The following RRP36 variants were observed in gnomAD, a reference collection of about 807,000 sequenced individuals.
The protein encoded by RRP36 is ribosomal RNA processing 36.
Under a neutral mutation model 39.8 loss-of-function variants are expected in RRP36, and 44 were observed. The observed-to-expected ratio is 1.10, with a 90% CI of 0.87 to 1.42. The LOEUF is 1.42. Ranked by LOEUF, RRP36 falls within the 40% of genes most tolerant of loss-of-function variation. The probability of loss-of-function intolerance (pLI) is 0.00; values close to 1 mark genes in which losing one functional copy is unlikely to be tolerated. For missense variants in RRP36, 316 were observed against 322.4 expected, an observed-to-expected ratio of 0.98 and a Z score of 0.15; for synonymous variants, 124 against 123.1, an observed-to-expected ratio of 1.01 and a Z score of -0.05.
At position 43,021,629 on chromosome 6, in the gene RRP36, C is replaced by T. The variant is rs769090195; in HGVS notation, c.-26C>T. On this transcript the variant is annotated 5_prime_UTR_variant, in exon 1 of 7. Coordinates refer to ENST00000244496, the MANE Select transcript of RRP36 (RefSeq NM_033112.4). ...TGCCGTGAGCGGAAGCGGCGCCATT[C>T]GTCTTCCGAGCGCTACTGCCAGCTG... 39 of 1,283,796 alleles carry T rather than the reference C, an allele frequency of 3.0e-5. No individual in the cohort carries two copies. In the Middle Eastern group the frequency reaches 9.3e-4, roughly 31 times the overall value. The allele number at this position is 1,283,796 out of a possible 1,614,324, so 79.5% of individuals were successfully genotyped here.
intron 1 of RRP36, 22 bp from the exon 2 acceptor site, chr6:43,024,963 A>G (rs1350107030): frequency 6.8e-6 from 11 of 1,612,568 alleles, no homozygotes; most frequent in South Asian, 5.5e-5. Flanking sequence ...GCTGAGTTGT[A>G]TGTCCCTCCC....
intron 1 of RRP36, among the ~76,000 whole-genome samples, chr6:43,024,583 G>A (rs1460133518): frequency 6.6e-6 from 1 of 152,176 alleles, no homozygotes; most frequent in African/African-American, 2.4e-5. Flanking sequence ...CTGGTGGTTG[G>A]GAGACTAGGA....
In RRP36 at chr6:43,027,463, A is replaced by G; in HGVS notation, c.629A>G (p.Tyr210Cys). The change falls in exon 6 of 7, where the codon TAC (tyrosine) becomes TGC (cysteine). Residue 210 changes from tyrosine to cysteine, a missense_variant. Transcript: ENST00000244496. ...CAGGCCCAGCAGGGCCATCGGCCAT[A>G]CTTCCTGAAAAAATGTGAGTTGGGC... Reference protein sequence around the residue: ...RAQAQQGHRPYFLKKSEQRQL... With the variant: ...RAQAQQGHRPCFLKKSEQRQL... 6.2e-7 allele frequency: 1 copy of G among 1,613,814 alleles called. No individual in the cohort carries two copies. The highest frequency in any genetic ancestry group is 1.1e-5 in the South Asian group (1 of 91,062).
chr6:43,025,394 G>A (rs1445717264), intron 3 of RRP36, 65 bp downstream of exon 3: 24 of 1,444,100 alleles, frequency 1.7e-5, no homozygotes, highest in Non-Finnish European at 2.2e-5. Flanking sequence ...AGCCCGAGGT[G>A]GGCGATCACC....
intron 1 of RRP36, 30 bp downstream of exon 1, chr6:43,021,814 A>G: frequency 1.1e-6 from 1 of 932,398 alleles, no homozygotes; most frequent in Non-Finnish European, 1.4e-6. Context: ...CGGGCTGGGG[A>G]GGGGAAGGAG....
rs1264653509 is a variant in RRP36, at chr6:43,029,466, C to T, written c.*238C>T. ...TGGTTCATTGCGTCCTCGTGTTCTT[C>T]TCTCATCCTTGCCTTAAACCAGGGA... On this transcript the variant is annotated 3_prime_UTR_variant, in exon 7 of 7. Coordinates refer to ENST00000244496, the MANE Select transcript of RRP36 (RefSeq NM_033112.4). 4.8e-6 allele frequency: 2 copies of T among 417,698 alleles called. No individual in the cohort carries two copies. Among genetic ancestry groups the T allele is most frequent in the Non-Finnish European group, 8.5e-6 (2 of 235,740 alleles). The allele number at this position is 417,698 out of a possible 1,614,324, so 25.9% of individuals were successfully genotyped here.
In RRP36 at chr6:43,021,708, T is replaced by C. The variant is rs931370884; in HGVS notation, c.54T>C (p.Arg18=). ...AGAGAGAGAR[R]PRGARDREED... ...CCGGGGCCGGGGCCGGGGCCCGACG[T>C]CCCCGCGGGGCCCGGGACCGCGAGG... is the stretch of plus-strand genomic sequence containing the variant. Residue 18 remains arginine, a synonymous_variant, in exon 1 of 7, where the codon CGT becomes CGC. Coordinates refer to ENST00000244496, the MANE Select transcript of RRP36 (RefSeq NM_033112.4). The C allele has an allele frequency of 3.6e-5, 42 of 1,165,282 alleles. No homozygotes were observed. The African/African-American group carries it at 6.8e-4, about 19-fold the overall frequency. 72.2% of individuals were successfully genotyped at this position (1,165,282 alleles called of 1,614,324 possible).
intron 6 of RRP36, 47 bp from the exon 7 acceptor site, chr6:43,029,045 G>C: frequency 6.2e-7 from 1 of 1,609,784 alleles, no homozygotes; most frequent in Non-Finnish European, 8.5e-7. Context: ...GGAAAGAATA[G>C]GGGCTTCCTT....
intron 1 of RRP36, among the ~76,000 whole-genome samples, chr6:43,024,538 C>G (rs1762776906): frequency 6.6e-6 from 1 of 152,078 alleles, no homozygotes; most frequent in African/African-American, 2.4e-5. Flanking sequence ...CTCTCTCAGG[C>G]TGAATTGAGG....
At position 43,026,074 on chromosome 6, in the gene RRP36, AAT is replaced by A; in HGVS notation, c.387_388del (p.Tyr129Ter). ...CCTCGCTTTGATGATCTGTCAGGGG[AAT>A]ATAATCCTGAGGTGTTTGACAAAAC... On this transcript the variant is annotated frameshift_variant, in exon 4 of 7. Transcript: ENST00000244496. LOFTEE classifies it high-confidence loss of function. The A allele has an allele frequency of 6.2e-7, 1 of 1,613,930 alleles. No homozygotes were observed. The highest frequency in any genetic ancestry group is 8.5e-7 in the Non-Finnish European group (1 of 1,179,850).
chr6:43,026,036 G>A lies in RRP36; in HGVS notation c.346-1G>A, dbSNP rs755864727. The A allele has an allele frequency of 5.6e-5, 90 of 1,609,754 alleles. No individual in the cohort carries two copies. Among genetic ancestry groups the A allele is most frequent in the Non-Finnish European group, 7.6e-5 (89 of 1,176,374 alleles). ...TTATATTCTCTCTCTTCTCTCCAAA[G>A]GTAGCCCGGGACCCTCGCTTTGATG... On this transcript the variant is annotated splice_acceptor_variant, in intron 3 of 6. Transcript: ENST00000244496. LOFTEE classifies it high-confidence loss of function.
Position 43,026,121 on chromosome 6 carries a change from A to C in RRP36, c.430A>C (p.Ile144Leu), listed in dbSNP as rs1688788951. 1 of 1,613,518 alleles carries C rather than the reference A, an allele frequency of 6.2e-7. No individual in the cohort carries two copies. The highest frequency in any genetic ancestry group is 1.3e-5 in the African/African-American group (1 of 75,052). Reference protein sequence around the residue: ...FDKTYQFLNDIRAKEKELVKK... With the variant: ...FDKTYQFLNDLRAKEKELVKK... Reference sequence around the variant, plus strand: ...CAAAACATACCAATTCTTGAATGACATCCGAGCGAAAGAGAAAGAGGTATA... The same window carrying C: ...CAAAACATACCAATTCTTGAATGACCTCCGAGCGAAAGAGAAAGAGGTATA... Residue 144 changes from isoleucine to leucine, a missense_variant, in exon 4 of 7, where the codon ATC becomes CTC. Physicochemically the swap from Ile to Leu is conservative, Grantham distance 5. Transcript: ENST00000244496.
chr6:43,029,326 C>T lies in RRP36; in HGVS notation c.*98C>T. On this transcript the variant is annotated 3_prime_UTR_variant, in exon 7 of 7. Transcript: ENST00000244496. Reference sequence around the variant, plus strand: ...GGTTTCCGTTCAAGGGCAAGGATCACAGCTGCCCTTGAATCTCATTGCCTC... The same window carrying T: ...GGTTTCCGTTCAAGGGCAAGGATCATAGCTGCCCTTGAATCTCATTGCCTC... 7.1e-7 allele frequency: 1 copy of T among 1,403,446 alleles called. No individual in the cohort carries two copies. Among genetic ancestry groups the T allele is most frequent in the African/African-American group, 1.4e-5 (1 of 70,304 alleles). 86.9% of individuals were successfully genotyped at this position (1,403,446 alleles called of 1,614,324 possible). A position where few individuals can be genotyped will look rare whatever the true frequency, so the allele number is the denominator to read the frequency against.
rs1762786241 is a variant in RRP36, at chr6:43,025,073, TC to T, written c.221del (p.Pro74LeufsTer43). 1 of 1,614,022 alleles carries T rather than the reference TC, an allele frequency of 6.2e-7. No individual in the cohort carries two copies. The highest frequency in any genetic ancestry group is 1.7e-5 in the Admixed American group (1 of 59,996). ...ACAAACAATTGGTAGCTGGAAATAG[TC>T]CTAAGAAACAAGCTTCTAGACCACC... is the stretch of plus-strand genomic sequence containing the variant. Reference protein sequence around the residue: ...TYKQLVAGNSPKKQASRPPIQ... With the variant: ...TYKQLVAGNSXKKQASRPPIQ... On this transcript the variant is annotated frameshift_variant, in exon 2 of 7. Coordinates refer to ENST00000244496, the MANE Select transcript of RRP36 (RefSeq NM_033112.4). LOFTEE classifies it high-confidence loss of function.
chr6:43,024,699 TGAGTAAAAGAGA>T (rs952338475), intron 1 of RRP36, among the ~76,000 whole-genome samples: 39 of 152,010 alleles, frequency 2.6e-4, no homozygotes, highest in African/African-American at 9.4e-4. Flanking sequence ...AACCTGTGAA[TGAGTAAAAGAGA>T]GAGTAAAAGA....
rs57851236 is a variant in RRP36 at position 43,027,762 on chromosome 6, TACACACACACAC to T, written c.643+311_643+322del. On this transcript the variant is annotated intron_variant, in intron 6 of 6. Coordinates refer to ENST00000244496, the MANE Select transcript of RRP36 (RefSeq NM_033112.4). ...GTGAGTTTTATCTCTTGGTCTACACTACACACACACACACACACACACACACACACACACACA... is the reference window on the plus strand; with the variant it reads ...GTGAGTTTTATCTCTTGGTCTACACTACACACACACACACACACACACACA... Among the ~76,000 whole-genome samples the T allele has an allele frequency of 1.4e-3, 115 of 81,696 alleles. 1 individual carries two copies. Among genetic ancestry groups the T allele is most frequent in the African/African-American group, 2.6e-3 (54 of 20,786 alleles). The allele number at this position is 81,696 out of a possible 152,430, so 53.6% of individuals were successfully genotyped here. A position where few individuals can be genotyped will look rare whatever the true frequency, so the allele number is the denominator to read the frequency against.
Position 43,021,882 on chromosome 6 carries a change from C to T in RRP36, c.130+98C>T, listed in dbSNP as rs529172066. 9.6e-6 allele frequency: 9 copies of T among 942,044 alleles called. No homozygotes were observed. The Admixed American group carries it at 1.8e-4, about 19-fold the overall frequency. 58.4% of individuals were successfully genotyped at this position (942,044 alleles called of 1,614,324 possible). A position where few individuals can be genotyped will look rare whatever the true frequency, so the allele number is the denominator to read the frequency against. On this transcript the variant is annotated intron_variant, in intron 1 of 6. Coordinates refer to ENST00000244496, the MANE Select transcript of RRP36 (RefSeq NM_033112.4). Reference sequence around the variant, plus strand: ...GGTGCCGGTAAGACTGCCAAGTTCTCTAAGAGGCAGACGCTACACTAGGGG... The same window carrying T: ...GGTGCCGGTAAGACTGCCAAGTTCTTTAAGAGGCAGACGCTACACTAGGGG...
chr6:43,028,044 T>A (rs2150297579), intron 6 of RRP36, among the ~76,000 whole-genome samples: 1 of 152,288 alleles, frequency 6.6e-6, no homozygotes, highest in East Asian at 1.9e-4. Flanking sequence ...AGTCATCAGT[T>A]GGGCTGGGCA....
intron 1 of RRP36, among the ~76,000 whole-genome samples, chr6:43,022,632 C>CT (rs34268212): frequency 0.17 from 18,716 of 107,022 alleles, 2,881 homozygotes; most frequent in African/African-American, 0.35. Flanking sequence ...AAGGTCTCAC[C>CT]TTTTTTTTTT....
Sources: gnomAD v4.1 joint callset for allele counts (sites outside exome capture counted in the v4.1 genomes callset) on GRCh38, gnomAD v4.1.1 for gene constraint, MANE v1.5 for transcripts, NCBI Gene and HGNC (gene_info 2026-07-23, HGNC 2026-07-21) for gene names.